The following LRRC4C variants were observed in gnomAD, a reference collection of about 807,000 sequenced individuals.
LRRC4C encodes the protein leucine-rich repeat-containing protein 4C.
LRRC4C carries 5 observed loss-of-function variants against 33.6 expected under a neutral mutation model. The observed-to-expected ratio is 0.15, with a 90% CI of 0.08 to 0.31. LRRC4C has a LOEUF of 0.31. Among genes scored for constraint, LRRC4C ranks in the 10% least tolerant of loss-of-function variants. LRRC4C has a pLI of 1.00. For synonymous variants in LRRC4C, 329 were observed against 302.0 expected, an observed-to-expected ratio of 1.09 and a Z score of -0.93; for missense variants, 560 against 796.7, an observed-to-expected ratio of 0.70 and a Z score of 3.58.
At chr11:40,167,260 T>C (rs914750803) in intron 5 of LRRC4C, among the ~76,000 whole-genome samples, 4 of 152,154 alleles carry the variant, frequency 2.6e-5, no homozygotes, top group African/African-American at 7.2e-5. Context: ...CCACTTTTCT[T>C]GGTAACCTTG....
At chr11:40,784,453 CA>C in intron 2 of LRRC4C, among the ~76,000 whole-genome samples, 1 of 152,054 alleles carries the variant, frequency 6.6e-6, no homozygotes, top group Non-Finnish European at 1.5e-5. Flanking sequence ...GCAAAATAGT[CA>C]ATATGAGGTA....
intron 4 of LRRC4C, among the ~76,000 whole-genome samples, chr11:40,301,005 G>A (rs1256842787): frequency 6.6e-6 from 1 of 152,082 alleles, no homozygotes; most frequent in African/African-American, 2.4e-5. Flanking sequence ...ATCCACAGAT[G>A]GGAAACCCAC....
At chr11:40,396,275 A>G (rs1383788987) in intron 3 of LRRC4C, among the ~76,000 whole-genome samples, 1 of 152,066 alleles carries the variant, frequency 6.6e-6, no homozygotes, top group African/African-American at 2.4e-5. Context: ...GTCTCTAGAC[A>G]CCTTGGTTTT....
At chr11:41,148,759 C>T (rs1033184023) in intron 1 of LRRC4C, among the ~76,000 whole-genome samples, 4 of 151,944 alleles carry the variant, frequency 2.6e-5, no homozygotes, top group African/African-American at 7.2e-5. Flanking sequence ...ATGATCTTGG[C>T]TGAGATTTCC....
chr11:41,292,405 T>TA (rs375986795), intron 1 of LRRC4C, among the ~76,000 whole-genome samples: 12,588 of 150,642 alleles, frequency 0.084, 614 homozygotes, highest in Middle Eastern at 0.15. Context: ...AACAGCAGCG[T>TA]AAAAAAAAAT....
chr11:41,156,219 T>A (rs1212614302), intron 1 of LRRC4C, among the ~76,000 whole-genome samples: 1 of 152,058 alleles, frequency 6.6e-6, no homozygotes, highest in African/African-American at 2.4e-5. Context: ...GCTCTTGATA[T>A]TATTACACTG....
chr11:40,170,690 C>G (rs1859973764), intron 5 of LRRC4C, among the ~76,000 whole-genome samples: 1 of 152,076 alleles, frequency 6.6e-6, no homozygotes. Context: ...ATTAGGAATC[C>G]AAGGTAGGAG....
intron 2 of LRRC4C, among the ~76,000 whole-genome samples, chr11:40,830,540 G>A (rs1351282395): frequency 6.6e-6 from 1 of 152,052 alleles, no homozygotes; most frequent in East Asian, 1.9e-4. Flanking sequence ...TATATACTGA[G>A]TTAAACAGTT....
At chr11:40,381,004 C>T (rs1051994810) in intron 3 of LRRC4C, among the ~76,000 whole-genome samples, 3 of 152,112 alleles carry the variant, frequency 2.0e-5, no homozygotes, top group Admixed American at 6.6e-5. Flanking sequence ...AATATTACAG[C>T]GGACTGGATA....
At chr11:40,142,008 C>T (rs755736561) in intron 5 of LRRC4C, among the ~76,000 whole-genome samples, 10 of 151,784 alleles carry the variant, frequency 6.6e-5, no homozygotes, top group South Asian at 2.1e-4. Context: ...CTCAGCCAGG[C>T]GGAGTGGCTC....
chr11:41,179,524 T>C (rs1945353584), intron 1 of LRRC4C, among the ~76,000 whole-genome samples: 1 of 152,230 alleles, frequency 6.6e-6, no homozygotes, highest in African/African-American at 2.4e-5. Context: ...ACAACAGTTA[T>C]ATACCTCTCT....
chr11:40,632,772 T>G (rs946839668), intron 3 of LRRC4C, among the ~76,000 whole-genome samples: 3 of 152,176 alleles, frequency 2.0e-5, no homozygotes, highest in African/African-American at 7.2e-5. Context: ...TGGCACTTAG[T>G]GAGTATGTGC....
chr11:41,443,958 C>A (rs562163057), intron 1 of LRRC4C, among the ~76,000 whole-genome samples: 10 of 151,956 alleles, frequency 6.6e-5, no homozygotes, highest in Admixed American at 2.6e-4. Context: ...TTCCTCTGTT[C>A]CCTGAGTATG....
chr11:40,655,552 C>T lies in LRRC4C; in HGVS notation c.-406-7274G>A, dbSNP rs1495321. Among the ~76,000 whole-genome samples, 642 of 152,084 alleles carry T rather than the reference C, an allele frequency of 4.2e-3. 6 individuals carry two copies. Among genetic ancestry groups the T allele is most frequent in the African/African-American group, 0.015 (619 of 41,476 alleles). On this transcript the variant is annotated intron_variant, in intron 2 of 6. Transcript: ENST00000528697. ...TCTTGGTGGTAAAAGTTTTGCAAAC[C>T]ACTTTGCTATATTGTACTGTTGCCT...
In LRRC4C at chr11:41,405,625, C is replaced by G. The variant is rs1025563981; in HGVS notation, c.-496+53806G>C. ...TCTTCTGATCAAAAACATTCCCCTA[C>G]AGGGGTGCTTTATAGCTTCATTACA... On this transcript the variant is annotated intron_variant, in intron 1 of 6. Coordinates refer to ENST00000528697, the MANE Select transcript of LRRC4C (RefSeq NM_001258419.2). Among the ~76,000 whole-genome samples the G allele has an allele frequency of 3.9e-5, 6 of 152,052 alleles. No individual in the cohort carries two copies. In the South Asian group the frequency reaches 1.0e-3, roughly 26 times the overall value.
intron 1 of LRRC4C, among the ~76,000 whole-genome samples, chr11:41,015,863 T>C (rs541611604): frequency 6.6e-6 from 1 of 151,718 alleles, no homozygotes; most frequent in African/African-American, 2.4e-5. Flanking sequence ...TATCCGGGCG[T>C]GGTGGCGGGA....
chr11:40,796,601 G>T (rs980008360), intron 2 of LRRC4C, among the ~76,000 whole-genome samples: 3 of 147,340 alleles, frequency 2.0e-5, no homozygotes, highest in Non-Finnish European at 4.5e-5. Context: ...CTGATAGCTG[G>T]TTTAGGGAAA....
chr11:40,956,679 C>T (rs1958969851), intron 1 of LRRC4C, among the ~76,000 whole-genome samples: 1 of 151,700 alleles, frequency 6.6e-6, no homozygotes, highest in South Asian at 2.1e-4. Context: ...TAAAAATCAG[C>T]AAAAATCTTG....
chr11:40,277,111 ATATGCGGTACAGCCT>A (rs1943164603), intron 4 of LRRC4C, among the ~76,000 whole-genome samples: 1 of 152,136 alleles, frequency 6.6e-6, no homozygotes, highest in Non-Finnish European at 1.5e-5. Context: ...GAGACAGGAA[ATATGCGGTACAGCCT>A]TATGCAGCTG....
Sources: allele counts gnomAD v4.1 joint callset (sites outside exome capture counted in the v4.1 genomes callset), GRCh38; gene constraint gnomAD v4.1.1; transcripts MANE v1.5; gene names NCBI Gene and HGNC (gene_info 2026-07-23, HGNC 2026-07-21).